The following BAZ2A variants were observed in gnomAD, a reference collection of about 807,000 sequenced individuals.
The protein encoded by BAZ2A is bromodomain adjacent to zinc finger domain protein 2A.
BAZ2A carries 34 observed loss-of-function variants against 199.9 expected under a neutral mutation model. The observed-to-expected ratio is 0.17, with a 90% CI of 0.13 to 0.23. The LOEUF (loss-of-function observed/expected upper bound fraction) is 0.23. Among genes scored for constraint, BAZ2A ranks in the 10% least tolerant of loss-of-function variants. The pLI is 1.00. For missense variants in BAZ2A, 2,002 were observed against 2,391.1 expected, an observed-to-expected ratio of 0.84 and a Z score of 3.39; for synonymous variants, 857 against 883.9, an observed-to-expected ratio of 0.97 and a Z score of 0.54.
At chr12:56,636,032 A>T in intron 1 of BAZ2A, 1 of 973,896 alleles carries the variant, frequency 1.0e-6, no homozygotes, top group Non-Finnish European at 1.5e-6. Context: ...CAGCCTCGCT[A>T]GCTGAGCCCT....
chr12:56,634,842 G>GA, upstream of BAZ2A: 1 of 918,312 alleles, frequency 1.1e-6, no homozygotes, highest in South Asian at 5.0e-5. Context: ...CTCAGGGGGA[G>GA]AGTCAGATCC....
chr12:56,603,424 G>C lies in BAZ2A; in HGVS notation c.3220-6C>G, dbSNP rs943894849. 1 of 1,613,958 alleles carries C rather than the reference G, an allele frequency of 6.2e-7. No homozygotes were observed. ...CTAGATGCTGTGGCATCAACCTAGG[G>C]AGAAACACATGGGCATTATGAAAAA... On this transcript the variant is annotated splice_region_variant and splice_polypyrimidine_tract_variant and intron_variant, in intron 17 of 28. Coordinates refer to ENST00000549884, the MANE Select transcript of BAZ2A (RefSeq NM_001300905.2).
chr12:56,625,056 C>A (rs1252412758), intron 1 of BAZ2A, among the ~76,000 whole-genome samples: 1 of 151,978 alleles, frequency 6.6e-6, no homozygotes, highest in Non-Finnish European at 1.5e-5. Context: ...CTCAGAAGAC[C>A]AGGAATGCCT....
Position 56,598,942 on chromosome 12 carries a change from C to A in BAZ2A, c.5472G>T (p.Leu1824Phe). Residue 1824 changes from leucine to phenylalanine, a missense_variant, in exon 28 of 29, where the codon TTG (leucine) becomes TTT (phenylalanine). By Grantham distance (22) the Leu-to-Phe change is conservative. Around this residue, in one of 6 missense-constraint regions of BAZ2A, gnomAD observed 76 missense variants for 139.3 expected, o/e 0.55. Transcript: ENST00000549884. Reference sequence around the variant, plus strand: ...TGATGATGCGCCGGTACCCACTCACCAAACGTGGGTTCACAGGCTCTAGGA... The same window carrying A: ...TGATGATGCGCCGGTACCCACTCACAAAACGTGGGTTCACAGGCTCTAGGA... ...WPFLEPVNPRLVSGYRRIIKN... is the reference protein window; with the variant it reads ...WPFLEPVNPRFVSGYRRIIKN... 6.2e-7 allele frequency: 1 copy of A among 1,608,792 alleles called. No homozygotes were observed. The highest frequency in any genetic ancestry group is 1.7e-5 in the Admixed American group (1 of 59,180).
chr12:56,607,213 G>A lies in BAZ2A; in HGVS notation c.2093-480C>T, dbSNP rs887096754. On this transcript the variant is annotated intron_variant, in intron 10 of 28. Coordinates refer to ENST00000549884, the MANE Select transcript of BAZ2A (RefSeq NM_001300905.2). Reference sequence around the variant, plus strand: ...TGCCAGAAAAAAGGCCCACACAGTGGACACCTCAAAAGAATCACTGACATA... The same window carrying A: ...TGCCAGAAAAAAGGCCCACACAGTGAACACCTCAAAAGAATCACTGACATA... Among the ~76,000 whole-genome samples the A allele has an allele frequency of 5.9e-5, 9 of 152,154 alleles. 1 individual carries two copies. Among genetic ancestry groups the A allele is most frequent in the Admixed American group, 5.9e-4 (9 of 15,276 alleles).
intron 8 of BAZ2A, 73 bp from the exon 9 acceptor site, chr12:56,610,288 A>C (rs1164780464): frequency 6.3e-7 from 1 of 1,586,050 alleles, no homozygotes; most frequent in Non-Finnish European, 8.7e-7. Flanking sequence ...AGGCATAAGC[A>C]GAACAGGCCC....
rs1885811984 is a variant in BAZ2A at position 56,596,198 on chromosome 12, TTGGTGTTGA to T, written c.*2411_*2419del. 1 of 152,744 alleles carries T rather than the reference TTGGTGTTGA, an allele frequency of 6.5e-6. No homozygotes were observed. The highest frequency in any genetic ancestry group is 1.5e-5 in the Non-Finnish European group (1 of 68,062). The allele number at this position is 152,744 out of a possible 1,614,324, so 9.5% of individuals were successfully genotyped here. ...GCTGTAAAAGGAACACAGAAACTTG[TTGGTGTTGA>T]TGGTGTGGTTTCTTCCTGTCAACCA... On this transcript the variant is annotated 3_prime_UTR_variant, in exon 29 of 29. Transcript: ENST00000549884.
At position 56,613,988 on chromosome 12, in the gene BAZ2A, T is replaced by C; in HGVS notation, c.881A>G (p.Glu294Gly). ...AGAGTTGAAGGGCTCCAGAGAGTCTTCACTGAGGATTGGAGTGTCTTCCAG... is the reference window on the plus strand; with the variant it reads ...AGAGTTGAAGGGCTCCAGAGAGTCTCCACTGAGGATTGGAGTGTCTTCCAG... ...DQLEDTPILSEDSLEPFNSLA... is the reference protein window; with the variant it reads ...DQLEDTPILSGDSLEPFNSLA... The change falls in exon 4 of 29, where the codon GAA becomes GGA. Residue 294 changes from glutamate to glycine, a missense_variant. Glu to Gly is a moderately conservative substitution (Grantham distance 98). Coordinates refer to ENST00000549884, the MANE Select transcript of BAZ2A (RefSeq NM_001300905.2). 6.2e-7 allele frequency: 1 copy of C among 1,613,980 alleles called. No individual in the cohort carries two copies. The highest frequency in any genetic ancestry group is 1.3e-5 in the African/African-American group (1 of 75,046).
chr12:56,603,233 A>C (rs1440711593), intron 18 of BAZ2A, 126 bp downstream of exon 18: 1 of 1,101,966 alleles, frequency 9.1e-7, no homozygotes, highest in African/African-American at 1.6e-5. Context: ...GTGCCACTGC[A>C]CTCCAGCCTG....
In BAZ2A at chr12:56,598,522, G is replaced by T. The variant is rs1886061051; in HGVS notation, c.*96C>A. On this transcript the variant is annotated 3_prime_UTR_variant, in exon 29 of 29. Coordinates refer to ENST00000549884, the MANE Select transcript of BAZ2A (RefSeq NM_001300905.2). ...AAAATCAGGGTTGTATCTGACTTGA[G>T]TCTGGACCCAGGGCAGCATCAGCAG... 2.7e-6 allele frequency: 4 copies of T among 1,460,332 alleles called. No individual in the cohort carries two copies. In the South Asian group the frequency reaches 5.3e-5, roughly 19 times the overall value. 90.5% of individuals were successfully genotyped at this position (1,460,332 alleles called of 1,614,324 possible). A position where few individuals can be genotyped will look rare whatever the true frequency, so the allele number is the denominator to read the frequency against.
At chr12:56,619,485 G>C (rs113329893) in intron 1 of BAZ2A, among the ~76,000 whole-genome samples, 85 of 146,976 alleles carry the variant, frequency 5.8e-4, no homozygotes, top group Non-Finnish European at 1.1e-3. Flanking sequence ...CTCCAGCCTA[G>C]GTGACAGAGC....
chr12:56,603,335 C>G, intron 18 of BAZ2A, 24 bp downstream of exon 18: 1 of 1,611,746 alleles, frequency 6.2e-7, no homozygotes, highest in Non-Finnish European at 8.5e-7. Context: ...ATCTCCAACT[C>G]TTGGGAGGTT....
chr12:56,601,523 T>C (rs777175033), intron 20 of BAZ2A, 23 bp downstream of exon 20: 8 of 1,607,994 alleles, frequency 5.0e-6, no homozygotes, highest in Non-Finnish European at 6.8e-6. Flanking sequence ...ATCAAGTGCA[T>C]ACTACTAATT....
Position 56,600,977 on chromosome 12 carries a change from G to C in BAZ2A, c.4416C>G (p.Asp1472Glu). The C allele has an allele frequency of 1.2e-6, 2 of 1,613,476 alleles. No individual in the cohort carries two copies. Among genetic ancestry groups the C allele is most frequent in the East Asian group, 2.2e-5 (1 of 44,872 alleles). The change falls in exon 22 of 29, where the codon GAC (aspartate) becomes GAG (glutamate). Residue 1472 changes from aspartate (D) to glutamate (E), a missense_variant. By Grantham distance (45) the Asp-to-Glu change is conservative. Around this residue, in one of 6 missense-constraint regions of BAZ2A, gnomAD observed 1,081 missense variants for 1,274.7 expected, o/e 0.85. Transcript: ENST00000549884. ...GCCGCAGGCAGACTTCCTGCAAGAA[G>C]TCCCTGTGCTTGTTAAGGTGTTTGT... ...ALHKHLNKHRDFLQEVCLRPS... is the reference protein window; with the variant it reads ...ALHKHLNKHREFLQEVCLRPS...
upstream of BAZ2A, chr12:56,636,399 G>A: frequency 3.1e-6 from 3 of 978,662 alleles, no homozygotes; most frequent in Non-Finnish European, 4.1e-6. Context: ...AGGGAGGAGG[G>A]AAGGGCGGGG....
intron 2 of BAZ2A, 107 bp downstream of exon 2, chr12:56,617,288 A>G: frequency 8.2e-7 from 1 of 1,226,560 alleles, no homozygotes; most frequent in South Asian, 2.2e-5. Context: ...TGTTCTTAGA[A>G]GTTGATTTCT....
At position 56,617,412 on chromosome 12, in the gene BAZ2A, A is replaced by T; in HGVS notation, c.119T>A (p.Phe40Tyr). 6.2e-7 allele frequency: 1 copy of T among 1,600,832 alleles called. No individual in the cohort carries two copies. Among genetic ancestry groups the T allele is most frequent in the African/African-American group, 1.3e-5 (1 of 74,586 alleles). ...ACACTCACTTTTCCCTTGCTGGGGGAAGTTCATGGGAGACCCGTTAGTGTA... is the reference window on the plus strand; with the variant it reads ...ACACTCACTTTTCCCTTGCTGGGGGTAGTTCATGGGAGACCCGTTAGTGTA... ...GLYTNGSPMN[F>Y]PQQGKSLNGD... The change falls in exon 2 of 29, where the codon TTC (phenylalanine) becomes TAC (tyrosine). Residue 40 changes from phenylalanine to tyrosine, a missense_variant. Physicochemically the swap from Phe to Tyr is conservative, Grantham distance 22 (BLOSUM62 3). Around this residue, in one of 6 missense-constraint regions of BAZ2A, gnomAD observed 641 missense variants for 694.5 expected, o/e 0.92. Transcript: ENST00000549884.
rs764490472 is a variant in BAZ2A at position 56,602,101 on chromosome 12, C to G, written c.3516G>C (p.Glu1172Asp). ...TGGCAGTGGTGTTGGAGCCAGCTAA[C>G]TCCATCTTCATAGAGAAGAGGGCAG... ...LNPALFSMKMELAGSNTTASS... is the reference protein window; with the variant it reads ...LNPALFSMKMDLAGSNTTASS... Residue 1172 changes from glutamate to aspartate, a missense_variant, in exon 20 of 29, where the codon GAG becomes GAC. Transcript: ENST00000549884. 14 of 1,586,868 alleles carry G rather than the reference C, an allele frequency of 8.8e-6. No individual in the cohort carries two copies. The African/African-American group carries it at 1.5e-4, about 17-fold the overall frequency.
At chr12:56,638,282 T>G (rs970683858), upstream of BAZ2A, 2 of 1,544,710 alleles carry the variant, frequency 1.3e-6, no homozygotes, top group South Asian at 1.1e-5. Flanking sequence ...GCTTTTTGGG[T>G]TAGGGGCAAG....
Sources: allele counts gnomAD v4.1 joint callset (sites outside exome capture counted in the v4.1 genomes callset), GRCh38; gene constraint gnomAD v4.1.1; regional missense constraint gnomAD v4.1.1; transcripts MANE v1.5; gene names NCBI Gene and HGNC (gene_info 2026-07-23, HGNC 2026-07-21).